The following NUDT5 variants were observed in gnomAD, a reference collection of about 807,000 sequenced individuals.
NUDT5 encodes the protein ADP-sugar pyrophosphatase.
A neutral mutation model predicts 34.1 loss-of-function variants in NUDT5; 21 were observed. The observed-to-expected ratio is 0.62, with a 90% CI of 0.44 to 0.89. NUDT5 has a LOEUF of 0.89. NUDT5 is among the 40% of genes least tolerant of loss of function. The pLI, the probability that NUDT5 is intolerant of heterozygous loss-of-function variation, is 0.00. For synonymous variants in NUDT5, 85 were observed against 97.6 expected (o/e 0.87, Z 0.76); for missense variants, 249 against 274.8 (o/e 0.91, Z 0.66).
At chr10:12,184,185 G>A (rs1365693448) in intron 3 of NUDT5, among the ~76,000 whole-genome samples, 2 of 152,110 alleles carry the variant, frequency 1.3e-5, no homozygotes, top group Non-Finnish European at 2.9e-5. Context: ...CCAAGTAGCT[G>A]GGATTACAGG....
intron 3 of NUDT5, among the ~76,000 whole-genome samples, chr10:12,180,840 T>G (rs1278573451): frequency 6.6e-6 from 1 of 152,228 alleles, no homozygotes; most frequent in Non-Finnish European, 1.5e-5. Context: ...TAGTCTTCTT[T>G]GTTATGGAAA....
Position 12,168,027 on chromosome 10 carries a change from ATTT to A in NUDT5, c.551-219_551-217del. 91 of 615,352 alleles carry A rather than the reference ATTT, an allele frequency of 1.5e-4. No homozygotes were observed. The highest frequency in any genetic ancestry group is 2.8e-4 in the South Asian group (10 of 36,058). 38.1% of individuals were successfully genotyped at this position (615,352 alleles called of 1,614,324 possible). ...TGAGACAAGAACATCAGGGATAATG[ATTT>A]TTTTTTTTTTTGGTGAGACAGTCTC... On this transcript the variant is annotated intron_variant, in intron 9 of 9. Coordinates refer to ENST00000491614, the MANE Select transcript of NUDT5 (RefSeq NM_014142.4). This position sits in a 1 kb window ranked among gnomAD's most constrained non-coding sequence, Gnocchi z 4.8.
chr10:12,187,346 C>T lies in NUDT5; in HGVS notation c.-41-1014G>A, dbSNP rs1835147179. Among the ~76,000 whole-genome samples the T allele has an allele frequency of 6.6e-6, 1 of 152,214 alleles. No individual in the cohort carries two copies. Among genetic ancestry groups the T allele is most frequent in the Non-Finnish European group, 1.5e-5 (1 of 68,042 alleles). ...GCCACTGGACCCACCTCCCCACTTA[C>T]TTTTAAGTTTCAGCATGTATCAAAG... On this transcript the variant is annotated intron_variant, in intron 1 of 9. Coordinates refer to ENST00000491614, the MANE Select transcript of NUDT5 (RefSeq NM_014142.4). The surrounding 1 kb of genome is among the most constrained non-coding windows in gnomAD (Gnocchi z 5.4).
In NUDT5 at chr10:12,187,390, G is replaced by A. The variant is rs1835148010; in HGVS notation, c.-41-1058C>T. Among the ~76,000 whole-genome samples, 1 of 152,228 alleles carries A rather than the reference G, an allele frequency of 6.6e-6. No individual in the cohort carries two copies. The highest frequency in any genetic ancestry group is 2.4e-5 in the African/African-American group (1 of 41,446). On this transcript the variant is annotated intron_variant, in intron 1 of 9. Transcript: ENST00000491614. This position sits in a 1 kb window ranked among gnomAD's most constrained non-coding sequence, Gnocchi z 5.4. The stretch of plus-strand genomic sequence containing the variant: ...ATCAAAGTCATAGTTGCAGAGAAAG[G>A]ATCGAGTAGTACTACAAGTTCTGTT...
At position 12,170,885 on chromosome 10, in the gene NUDT5, A is replaced by G. The variant is rs1355359865; in HGVS notation, c.496+15T>C. ...AAGTCATACACGCTCGGCCACCAGG[A>G]GTTGCAGAACATACCTCCATCCCCT... On this transcript the variant is annotated intron_variant, in intron 8 of 9. Transcript: ENST00000491614. This position sits in a 1 kb window ranked among gnomAD's most constrained non-coding sequence, Gnocchi z 4.9. The G allele has an allele frequency of 1.2e-6, 2 of 1,613,848 alleles. No individual in the cohort carries two copies. The highest frequency in any genetic ancestry group is 1.7e-6 in the Non-Finnish European group (2 of 1,179,924).
intron 4 of NUDT5, 67 bp downstream of exon 4, chr10:12,179,015 GA>G (rs754639934): frequency 4.5e-6 from 6 of 1,327,830 alleles, no homozygotes; most frequent in Middle Eastern, 1.8e-4. Context: ...TGGTTCCATT[GA>G]AAACCCTCTT....
Position 12,167,490 on chromosome 10 carries a change from C to A in NUDT5, c.*212G>T. 1 of 502,856 alleles carries A rather than the reference C, an allele frequency of 2.0e-6. No homozygotes were observed. Among genetic ancestry groups the A allele is most frequent in the South Asian group, 2.4e-5 (1 of 41,384 alleles). 31.1% of individuals were successfully genotyped at this position (502,856 alleles called of 1,614,324 possible). ...GAGTAAACATACTTGCATTTATATT[C>A]TTTGTTAATTTTAGCTGGAGTTATA... On this transcript the variant is annotated 3_prime_UTR_variant, in exon 10 of 10. Coordinates refer to ENST00000491614, the MANE Select transcript of NUDT5 (RefSeq NM_014142.4).
intron 2 of NUDT5, among the ~76,000 whole-genome samples, chr10:12,185,875 T>TA (rs1835118629): frequency 6.6e-6 from 1 of 152,226 alleles, no homozygotes; most frequent in South Asian, 2.1e-4. Flanking sequence ...TTATTGTTCT[T>TA]AAACACTCAT....
intron 4 of NUDT5, among the ~76,000 whole-genome samples, chr10:12,178,467 C>G (rs1834990996): frequency 6.6e-6 from 1 of 152,244 alleles, no homozygotes; most frequent in Admixed American, 6.5e-5. Context: ...CTCCCCACAG[C>G]TTCCTATCTG....
intron 5 of NUDT5, among the ~76,000 whole-genome samples, chr10:12,176,181 GA>G: frequency 6.7e-6 from 1 of 149,534 alleles, no homozygotes; most frequent in South Asian, 2.1e-4. Flanking sequence ...TGGGCAACAA[GA>G]GCAAAACTCT....
At chr10:12,178,752 C>G (rs1644298822) in intron 4 of NUDT5, among the ~76,000 whole-genome samples, 1 of 152,192 alleles carries the variant, frequency 6.6e-6, no homozygotes, top group South Asian at 2.1e-4. Flanking sequence ...AAACTAAAGC[C>G]TCTCATCTAG....
chr10:12,178,225 C>T (rs1339964405), intron 4 of NUDT5, among the ~76,000 whole-genome samples: 2 of 152,190 alleles, frequency 1.3e-5, no homozygotes, highest in Admixed American at 1.3e-4. Context: ...CACTTTCCAG[C>T]GTGTGGCAGC....
rs1335888825 is a variant in NUDT5 at position 12,170,028 on chromosome 10, C to T, written c.550+689G>A. 10 of 1,344,720 alleles carry T rather than the reference C, an allele frequency of 7.4e-6. No individual in the cohort carries two copies. The highest frequency in any genetic ancestry group is 1.8e-4 in the Middle Eastern group (1 of 5,520). 83.3% of individuals were successfully genotyped at this position (1,344,720 alleles called of 1,614,324 possible). A position where few individuals can be genotyped will look rare whatever the true frequency, so the allele number is the denominator to read the frequency against. ...CCATACAGAGGTGCTCCTTGAAGGGCCCATGGTATGTCTCCATACAGTATC... is the reference window on the plus strand; with the variant it reads ...CCATACAGAGGTGCTCCTTGAAGGGTCCATGGTATGTCTCCATACAGTATC... On this transcript the variant is annotated intron_variant, in intron 9 of 9. Transcript: ENST00000491614. The surrounding 1 kb of genome is among the most constrained non-coding windows in gnomAD (Gnocchi z 4.9).
chr10:12,172,367 C>T lies in NUDT5; in HGVS notation c.487+398G>A, dbSNP rs995042028. 5 of 201,324 alleles carry T rather than the reference C, an allele frequency of 2.5e-5. No homozygotes were observed. The South Asian group carries it at 3.4e-4, about 14-fold the overall frequency. The allele number at this position is 201,324 out of a possible 1,614,324, so 12.5% of individuals were successfully genotyped here. A position where few individuals can be genotyped will look rare whatever the true frequency, so the allele number is the denominator to read the frequency against. ...CCTCCAACTCCTGGGCTTAAGTGAT[C>T]CTCCTGCCTCACCTTCCAGAGCAGC... is the stretch of plus-strand genomic sequence containing the variant. On this transcript the variant is annotated intron_variant, in intron 7 of 9. Transcript: ENST00000491614.
intron 1 of NUDT5, among the ~76,000 whole-genome samples, chr10:12,188,752 AGT>A (rs1183070158): frequency 4.0e-5 from 6 of 150,098 alleles, no homozygotes; most frequent in Non-Finnish European, 4.4e-5. Flanking sequence ...AAAAAAAAAA[AGT>A]GGTGGTGAGA....
intron 2 of NUDT5, among the ~76,000 whole-genome samples, 169 bp downstream of exon 2, chr10:12,186,060 C>CT (rs1835122368): frequency 6.6e-6 from 1 of 152,200 alleles, no homozygotes; most frequent in Non-Finnish European, 1.5e-5. Flanking sequence ...AGACACACTA[C>CT]TCCTCCCACA....
intron 5 of NUDT5, 91 bp downstream of exon 5, chr10:12,177,702 A>T: frequency 1.1e-6 from 1 of 942,274 alleles, no homozygotes; most frequent in South Asian, 1.4e-5. Flanking sequence ...AGGACAGATT[A>T]AAAACTGCAG....
At chr10:12,191,256 C>T (rs941537588) in intron 1 of NUDT5, among the ~76,000 whole-genome samples, 1 of 151,946 alleles carries the variant, frequency 6.6e-6, no homozygotes, top group Non-Finnish European at 1.5e-5. Flanking sequence ...TGGTGGTGGG[C>T]GCTGTAGTCC....
At chr10:12,184,102 A>G (rs1835085175) in intron 3 of NUDT5, among the ~76,000 whole-genome samples, 1 of 152,090 alleles carries the variant, frequency 6.6e-6, no homozygotes, top group African/African-American at 2.4e-5. Flanking sequence ...CCCAGGCTGG[A>G]GTGCTGTGGT....
Sources: gnomAD v4.1 joint callset for allele counts (sites outside exome capture counted in the v4.1 genomes callset) on GRCh38, gnomAD v4.1.1 for gene constraint, Gnocchi (gnomAD v3.1) non-coding constraint, MANE v1.5 for transcripts, NCBI Gene and HGNC (gene_info 2026-07-23, HGNC 2026-07-21) for gene names.